Variants in GALNT17 observed in about 807,000 individuals in gnomAD.
GALNT17 encodes UDP-GalNAc:polypeptide N-acetylgalactosaminyltransferase-like 3.
Under a neutral mutation model 63.7 loss-of-function variants are expected in GALNT17, and 29 were observed. The observed-to-expected ratio is 0.46, with a 90% CI of 0.34 to 0.62. GALNT17 has a LOEUF of 0.62. Among genes scored for constraint, GALNT17 ranks in the 20% least tolerant of loss-of-function variants. The probability of loss-of-function intolerance (pLI) is 0.01; values close to 1 mark genes in which losing one functional copy is unlikely to be tolerated. For synonymous variants in GALNT17, 305 were observed against 318.3 expected, an observed-to-expected ratio of 0.96 and a Z score of 0.45; for missense variants, 603 against 799.6, an observed-to-expected ratio of 0.75 and a Z score of 2.97.
intron 5 of GALNT17, among the ~76,000 whole-genome samples, chr7:71,569,108 A>G (rs555104441): frequency 6.6e-6 from 1 of 152,218 alleles, no homozygotes; most frequent in South Asian, 2.1e-4. Flanking sequence ...AGTAGCTGAG[A>G]CTAAAGGCAC....
At chr7:71,240,144 C>T (rs1789966310) in intron 1 of GALNT17, among the ~76,000 whole-genome samples, 1 of 152,216 alleles carries the variant, frequency 6.6e-6, no homozygotes, top group Non-Finnish European at 1.5e-5. Context: ...TACCTAGTAG[C>T]TACTTCACAG....
At chr7:71,586,197 G>A (rs1050243483) in intron 6 of GALNT17, among the ~76,000 whole-genome samples, 5 of 152,038 alleles carry the variant, frequency 3.3e-5, no homozygotes, top group Non-Finnish European at 5.9e-5. Context: ...ATGAGCCACC[G>A]CACCCAGCCC....
chr7:71,206,124 GTGTT>G (rs1355248207), intron 1 of GALNT17, among the ~76,000 whole-genome samples: 1 of 147,946 alleles, frequency 6.8e-6, no homozygotes, highest in Non-Finnish European at 1.5e-5. Context: ...TATGAGGTGT[GTGTT>G]TGTGTGTGTA....
At chr7:71,325,930 C>T (rs967080228) in intron 1 of GALNT17, among the ~76,000 whole-genome samples, 3 of 152,172 alleles carry the variant, frequency 2.0e-5, no homozygotes, top group African/African-American at 4.8e-5. Flanking sequence ...ATATATTTTA[C>T]AGCCTCACCT....
intron 6 of GALNT17, among the ~76,000 whole-genome samples, chr7:71,580,458 A>C (rs1438262610): frequency 6.6e-6 from 1 of 152,122 alleles, no homozygotes; most frequent in Non-Finnish European, 1.5e-5. Context: ...AGACATAGAT[A>C]GTCTCAAGTA....
intron 9 of GALNT17, among the ~76,000 whole-genome samples, chr7:71,701,843 G>A (rs377295307): frequency 0.079 from 2,242 of 28,448 alleles, 139 homozygotes; most frequent in African/African-American, 0.16. Flanking sequence ...ATATATATGT[G>A]TATATATATA....
At chr7:71,675,019 A>G (rs981781171) in intron 8 of GALNT17, among the ~76,000 whole-genome samples, 1 of 152,068 alleles carries the variant, frequency 6.6e-6, no homozygotes, top group Non-Finnish European at 1.5e-5. Context: ...CCCTGTCTCT[A>G]CTAAAAATAC....
chr7:71,649,431 G>C (rs1790723999), intron 6 of GALNT17, among the ~76,000 whole-genome samples: 1 of 152,174 alleles, frequency 6.6e-6, no homozygotes, highest in African/African-American at 2.4e-5. Context: ...TTGGGATGGA[G>C]TTTTCAGGGG....
chr7:71,215,097 C>A (rs1789453426), intron 1 of GALNT17, among the ~76,000 whole-genome samples: 1 of 152,118 alleles, frequency 6.6e-6, no homozygotes, highest in South Asian at 2.1e-4. Flanking sequence ...CCCAGTGTAA[C>A]CTTGATTGAT....
intron 1 of GALNT17, among the ~76,000 whole-genome samples, chr7:71,154,412 A>G (rs995842965): frequency 1.3e-5 from 2 of 152,174 alleles, no homozygotes; most frequent in Non-Finnish European, 2.9e-5. Flanking sequence ...CAGATCCATG[A>G]GGAAAATAAG....
At chr7:71,142,454 TGGCA>T (rs1787933090) in intron 1 of GALNT17, among the ~76,000 whole-genome samples, 1 of 152,178 alleles carries the variant, frequency 6.6e-6, no homozygotes, top group Non-Finnish European at 1.5e-5. Flanking sequence ...GGAGAAGAAA[TGGCA>T]GCCTGTCTGA....
chr7:71,707,633 G>A (rs917118925), intron 9 of GALNT17, among the ~76,000 whole-genome samples: 16 of 152,160 alleles, frequency 1.1e-4, no homozygotes, highest in East Asian at 1.9e-4. Flanking sequence ...GGACTCATTC[G>A]TGCATCTCCT....
At chr7:71,135,714 C>T (rs1787772418) in intron 1 of GALNT17, among the ~76,000 whole-genome samples, 1 of 152,212 alleles carries the variant, frequency 6.6e-6, no homozygotes, top group African/African-American at 2.4e-5. Context: ...CAACAGTCTG[C>T]TGCCTACATC....
At chr7:71,490,748 A>C (rs1482092912) in intron 5 of GALNT17, among the ~76,000 whole-genome samples, 2 of 152,086 alleles carry the variant, frequency 1.3e-5, no homozygotes, top group Non-Finnish European at 2.9e-5. Flanking sequence ...AAATATAAAC[A>C]AATTAGCCAG....
chr7:71,475,533 A>G (rs1563120576), intron 5 of GALNT17, among the ~76,000 whole-genome samples: 1 of 152,162 alleles, frequency 6.6e-6, no homozygotes, highest in Admixed American at 6.5e-5. Context: ...GGTGGAGCTC[A>G]ATCAGTAATG....
intron 3 of GALNT17, among the ~76,000 whole-genome samples, chr7:71,404,182 T>G (rs981849702): frequency 6.6e-6 from 1 of 152,194 alleles, no homozygotes; most frequent in Non-Finnish European, 1.5e-5. Context: ...AAAATGTAAA[T>G]GGAAGAAGCA....
intron 5 of GALNT17, among the ~76,000 whole-genome samples, chr7:71,440,647 T>C (rs540729816): frequency 7.9e-5 from 12 of 152,262 alleles, no homozygotes; most frequent in African/African-American, 2.6e-4. Context: ...GTGCTGGGAT[T>C]ACAGGTGTGA....
intron 6 of GALNT17, among the ~76,000 whole-genome samples, chr7:71,593,109 C>T (rs1017822877): frequency 2.6e-5 from 4 of 151,502 alleles, no homozygotes; most frequent in Non-Finnish European, 4.4e-5. Flanking sequence ...ATGATTGCAC[C>T]CTTGCACTGC....
chr7:71,367,100 G>A (rs995760945), intron 2 of GALNT17, among the ~76,000 whole-genome samples: 2 of 152,086 alleles, frequency 1.3e-5, no homozygotes, highest in Admixed American at 6.6e-5. Flanking sequence ...CTATTTAATT[G>A]TCTCAAGCAA....
Sources: allele counts gnomAD v4.1 joint callset (sites outside exome capture counted in the v4.1 genomes callset), GRCh38; gene constraint gnomAD v4.1.1; transcripts MANE v1.5; gene names NCBI Gene and HGNC (gene_info 2026-07-23, HGNC 2026-07-21).